Variants in CADPS observed in about 807,000 individuals in gnomAD.
The protein encoded by CADPS is calcium-dependent secretion activator 1.
A neutral mutation model predicts 167.3 loss-of-function variants in CADPS; 57 were observed. The observed-to-expected ratio is 0.34, with a 90% confidence interval of 0.28 to 0.42. The LOEUF is 0.42. Among genes scored for constraint, CADPS ranks in the 20% least tolerant of loss-of-function variants. CADPS has a pLI of 1.00. For synonymous variants in CADPS, 676 were observed against 635.3 expected, an observed-to-expected ratio of 1.06 and a Z score of -0.96; for missense variants, 1,414 against 1,738.1, an observed-to-expected ratio of 0.81 and a Z score of 3.32.
At chr3:62,823,581 A>T (rs2073427033) in intron 1 of CADPS, among the ~76,000 whole-genome samples, 1 of 152,196 alleles carries the variant, frequency 6.6e-6, no homozygotes. Flanking sequence ...GGGAAAGATC[A>T]ATGCGTATCT....
In CADPS at chr3:62,566,345, G is replaced by A. The variant is rs370251695; in HGVS notation, c.1644+4527C>T. On this transcript the variant is annotated intron_variant, in intron 9 of 29. Transcript: ENST00000383710. ...GGTGGCTAAAGAGAAACTGAAAATC[G>A]TTTGTACATATGACTGAATTCAACA... Among the ~76,000 whole-genome samples the A allele has an allele frequency of 7.7e-4, 117 of 152,276 alleles. 2 individuals are homozygous for A. The highest frequency in any genetic ancestry group is 2.7e-3 in the African/African-American group (111 of 41,562).
At chr3:62,535,241 T>C (rs1028804842) in intron 12 of CADPS, among the ~76,000 whole-genome samples, 1 of 150,852 alleles carries the variant, frequency 6.6e-6, no homozygotes, top group African/African-American at 2.4e-5. Context: ...TTTTTCTTTT[T>C]TTTTTTTTAA....
chr3:62,667,356 G>T (rs2074649716), intron 3 of CADPS, among the ~76,000 whole-genome samples: 1 of 151,994 alleles, frequency 6.6e-6, no homozygotes. Flanking sequence ...ACCCTGGAAT[G>T]AATGTTAGGA....
At chr3:62,416,709 A>G (rs1200727801) in intron 28 of CADPS, among the ~76,000 whole-genome samples, 3 of 152,110 alleles carry the variant, frequency 2.0e-5, no homozygotes, top group Non-Finnish European at 2.9e-5. Flanking sequence ...GTCTCCAGCT[A>G]TGGTCTCTCA....
At chr3:62,647,937 T>A (rs756132134) in intron 5 of CADPS, among the ~76,000 whole-genome samples, 19 of 152,232 alleles carry the variant, frequency 1.2e-4, no homozygotes, top group Non-Finnish European at 2.5e-4. Context: ...TGTTAGCACA[T>A]GCCCTTTGCC....
chr3:62,716,746 T>A (rs1293754124), intron 3 of CADPS, among the ~76,000 whole-genome samples: 2 of 152,374 alleles, frequency 1.3e-5, no homozygotes, highest in African/African-American at 4.8e-5. Flanking sequence ...CTGCTCATTG[T>A]GACTAACGCC....
chr3:62,412,394 T>C lies in CADPS; in HGVS notation c.3778-9209A>G, dbSNP rs1347555820. On this transcript the variant is annotated intron_variant, in intron 28 of 29. Coordinates refer to ENST00000383710, the MANE Select transcript of CADPS (RefSeq NM_003716.4). This position sits in a 1 kb window ranked among gnomAD's most constrained non-coding sequence, Gnocchi z 4.1. ...AGCTCCTCTTTTGCCTTTAGCCTTT[T>C]CTCATTAGGAAGAGATAATGCAAAA... 6.6e-6 allele frequency among the ~76,000 whole-genome samples: 1 copy of C among 152,142 alleles called. No homozygotes were observed. The highest frequency in any genetic ancestry group is 1.5e-5 in the Non-Finnish European group (1 of 68,030).
chr3:62,405,136 TG>T (rs34330263), intron 28 of CADPS, among the ~76,000 whole-genome samples: 37,989 of 119,490 alleles, frequency 0.32, 6,975 homozygotes, highest in African/African-American at 0.53. Flanking sequence ...ACATGTAATC[TG>T]GGGGGGGGGG....
At chr3:62,786,550 T>C (rs1576396180) in intron 1 of CADPS, among the ~76,000 whole-genome samples, 1 of 151,900 alleles carries the variant, frequency 6.6e-6, no homozygotes, top group Admixed American at 6.6e-5. Flanking sequence ...GAGGCTAAAG[T>C]AGGATAAGAG....
intron 3 of CADPS, among the ~76,000 whole-genome samples, chr3:62,667,430 C>T (rs374900324): frequency 1.9e-4 from 29 of 152,036 alleles, no homozygotes; most frequent in African/African-American, 6.8e-4. Flanking sequence ...CGTGACCTCT[C>T]GGTGCACAGT....
chr3:62,683,403 A>C (rs1191788943), intron 3 of CADPS, among the ~76,000 whole-genome samples: 2 of 152,074 alleles, frequency 1.3e-5, no homozygotes, highest in Non-Finnish European at 2.9e-5. Flanking sequence ...TATAGCATAC[A>C]AAGGCTCGTT....
At chr3:62,745,856 G>T (rs937171122) in intron 3 of CADPS, among the ~76,000 whole-genome samples, 9 of 152,188 alleles carry the variant, frequency 5.9e-5, no homozygotes, top group South Asian at 4.1e-4. Flanking sequence ...GCTGTATAGT[G>T]GTGAACGCAA....
At position 62,442,215 on chromosome 3, in the gene CADPS, C is replaced by CTTTT. The variant is rs61098701; in HGVS notation, c.3669+3546_3669+3549dup. On this transcript the variant is annotated intron_variant, in intron 27 of 29. Transcript: ENST00000383710. Reference sequence around the variant, plus strand: ...TTAGTGGTATGCTGGTAAACTGACTCTTTTTTTTTTTTTGAGATGGAGTTT... The same window carrying CTTTT: ...TTAGTGGTATGCTGGTAAACTGACTCTTTTTTTTTTTTTTTTTGAGATGGAGTTT... Among the ~76,000 whole-genome samples the CTTTT allele has an allele frequency of 1.2e-4, 17 of 141,300 alleles. 2 individuals carry two copies. Among genetic ancestry groups the CTTTT allele is most frequent in the African/African-American group, 2.6e-4 (10 of 37,986 alleles). 92.7% of individuals were successfully genotyped at this position (141,300 alleles called of 152,430 possible).
chr3:62,673,244 TTG>T lies in CADPS; in HGVS notation c.889-10852_889-10851del, dbSNP rs1250909221. On this transcript the variant is annotated intron_variant, in intron 3 of 29. Coordinates refer to ENST00000383710, the MANE Select transcript of CADPS (RefSeq NM_003716.4). Reference sequence around the variant, plus strand: ...ATAACATCTATGTGGCAGGGATGTTTTGAGGAGTTAAGGTGATGTTTTTCCAG... The same window carrying T: ...ATAACATCTATGTGGCAGGGATGTTTAGGAGTTAAGGTGATGTTTTTCCAG... Among the ~76,000 whole-genome samples the T allele has an allele frequency of 6.6e-5, 10 of 152,288 alleles. No homozygotes were observed. The East Asian group carries it at 1.7e-3, about 26-fold the overall frequency.
chr3:62,656,864 C>T (rs532731941), intron 4 of CADPS, among the ~76,000 whole-genome samples: 3 of 152,306 alleles, frequency 2.0e-5, no homozygotes, highest in Admixed American at 6.5e-5. Context: ...AGATGGACTT[C>T]CTTCCACTTG....
intron 11 of CADPS, among the ~76,000 whole-genome samples, chr3:62,543,682 G>T (rs1005265162): frequency 1.3e-5 from 2 of 152,044 alleles, no homozygotes; most frequent in Non-Finnish European, 2.9e-5. Context: ...AAAATTTGAA[G>T]AAAAGACTAT....
At position 62,605,256 on chromosome 3, in the gene CADPS, A is replaced by AC. The variant is rs1313431608; in HGVS notation, c.1326-12509_1326-12508insG. Among the ~76,000 whole-genome samples the AC allele has an allele frequency of 8.3e-3, 1,258 of 152,184 alleles. 6 individuals carry two copies. The highest frequency in any genetic ancestry group is 0.014 in the Middle Eastern group (4 of 294). ...AGCCAAATGAGGGGAAAAACAAAAA[A>AC]AAAAAAACTGGGAGAGACAGAACAA... On this transcript the variant is annotated intron_variant, in intron 6 of 29. Coordinates refer to ENST00000383710, the MANE Select transcript of CADPS (RefSeq NM_003716.4).
chr3:62,450,211 T>C (rs892955773), intron 26 of CADPS, among the ~76,000 whole-genome samples: 22 of 152,218 alleles, frequency 1.4e-4, no homozygotes, highest in Non-Finnish European at 1.9e-4. Context: ...CTGCCAATTC[T>C]GTGACACCCT....
chr3:62,589,742 T>A (rs1392998047), intron 7 of CADPS, among the ~76,000 whole-genome samples: 1 of 152,166 alleles, frequency 6.6e-6, no homozygotes, highest in Non-Finnish European at 1.5e-5. Flanking sequence ...TCTCCCGCTT[T>A]CCATGGGAGC....
Sources: allele counts gnomAD v4.1 joint callset (sites outside exome capture counted in the v4.1 genomes callset), GRCh38; gene constraint gnomAD v4.1.1; non-coding constraint Gnocchi (gnomAD v3.1); transcripts MANE v1.5; gene names NCBI Gene and HGNC (gene_info 2026-07-23, HGNC 2026-07-21).